The following ADAM17 variants were observed in gnomAD, a reference collection of about 807,000 sequenced individuals.
ADAM17 encodes the protein disintegrin and metalloproteinase domain-containing protein 17.
In ADAM17, 39 loss-of-function variants were observed where a neutral mutation model predicts 96.7. The observed-to-expected ratio is 0.40, with a 90% CI of 0.31 to 0.53. The LOEUF is 0.53. ADAM17 is among the 20% of genes least tolerant of loss of function. The pLI is 0.44. For missense variants in ADAM17, 777 were observed against 1,013.2 expected (o/e 0.77, Z 3.17); for synonymous variants, 344 against 359.2 (o/e 0.96, Z 0.48).
Position 9,523,297 on chromosome 2 carries a change from A to C in ADAM17, c.795T>G (p.Thr265=). 6.2e-7 allele frequency: 1 copy of C among 1,613,192 alleles called. No homozygotes were observed. Among genetic ancestry groups the C allele is most frequent in the Non-Finnish European group, 8.5e-7 (1 of 1,179,554 alleles). ...IDRVDDIYRN[T]SWDNAGFKGY... is the part of the protein sequence containing the mutation. The stretch of plus-strand genomic sequence containing the variant: ...CTTTAAAACCTGCATTATCCCATGA[A>C]GTGTTCCGATAGATGTCATCAACTC... Residue 265 remains threonine, a synonymous_variant, in exon 7 of 19, where the codon ACT becomes ACG. Transcript: ENST00000310823.
intron 11 of ADAM17, among the ~76,000 whole-genome samples, chr2:9,508,618 T>C (rs1029084660): frequency 1.6e-4 from 25 of 152,306 alleles, no homozygotes; most frequent in African/African-American, 6.0e-4. Flanking sequence ...GCAAACATTA[T>C]TAAAAATTTA....
chr2:9,516,461 A>G (rs1278068604), intron 10 of ADAM17, among the ~76,000 whole-genome samples: 1 of 152,148 alleles, frequency 6.6e-6, no homozygotes, highest in Non-Finnish European at 1.5e-5. Context: ...ACCCTACACC[A>G]AGTATAACAT....
rs1408035085 is a variant in ADAM17 at position 9,521,290 on chromosome 2, C to T, written c.870G>A (p.Glu290=). 1.9e-6 allele frequency: 3 copies of T among 1,610,042 alleles called. No homozygotes were observed. In the Admixed American group the frequency reaches 5.0e-5, roughly 27 times the overall value. Residue 290 remains glutamate (E), a synonymous_variant, in exon 8 of 19, where the codon GAG becomes GAA. Transcript: ENST00000310823. ...EQIRILKSPQ[E]VKPGEKHYNM... is the part of the protein sequence containing the mutation. The stretch of plus-strand genomic sequence containing the variant: ...TGTAGTGCTTTTCACCAGGTTTTAC[C>T]TCTTGTGGAGACTTGAGAATGCGAA...
chr2:9,509,567 CTA>C (rs1411219271), intron 11 of ADAM17, among the ~76,000 whole-genome samples: 1 of 152,170 alleles, frequency 6.6e-6, no homozygotes, highest in African/African-American at 2.4e-5. Context: ...GTCAGGCAAA[CTA>C]TGTGTTTAAC....
In ADAM17 at chr2:9,489,297, ACT is replaced by A. The variant is rs1236841972; in HGVS notation, c.*878_*879del. The A allele has an allele frequency of 8.8e-6, 1 of 113,068 alleles. No individual in the cohort carries two copies. The highest frequency in any genetic ancestry group is 4.9e-5 in the African/African-American group (1 of 20,382). 7.0% of individuals were successfully genotyped at this position (113,068 alleles called of 1,614,324 possible). A position where few individuals can be genotyped will look rare whatever the true frequency, so the allele number is the denominator to read the frequency against. ...TTTTTTTTTTTTGAGGCAGAGTCTC[ACT>A]CTGTCACCCAGGCTGGAGTGTAGTG... is the stretch of plus-strand genomic sequence containing the variant. On this transcript the variant is annotated 3_prime_UTR_variant, in exon 19 of 19. Transcript: ENST00000310823.
chr2:9,517,201 T>A (rs2125017040), intron 10 of ADAM17, among the ~76,000 whole-genome samples: 1 of 152,230 alleles, frequency 6.6e-6, no homozygotes. Flanking sequence ...AACCCCTTAT[T>A]TAAACCACTG....
rs1449577670 is a variant in ADAM17 at position 9,532,962 on chromosome 2, G to A, written c.450+2872C>T. ...TCTCAGCACTTTGGGAGGCCAAGAT[G>A]GGCAGATCACGAGGTCAGGAGTTCA... On this transcript the variant is annotated intron_variant, in intron 4 of 18. Transcript: ENST00000310823. Among the ~76,000 whole-genome samples the A allele has an allele frequency of 2.0e-5, 3 of 151,344 alleles. No homozygotes were observed. The East Asian group carries it at 5.8e-4, about 29-fold the overall frequency.
rs746257518 is a variant in ADAM17, at chr2:9,518,259, C to CCA, written c.958-13_958-12insTG. ...TCAAAGCTAAATTGCTTTGAAAGAC[C>CCA]AAAAAAAAAAAAAAAAAAAAAAGCA... On this transcript the variant is annotated splice_polypyrimidine_tract_variant and intron_variant, in intron 8 of 18. Coordinates refer to ENST00000310823, the MANE Select transcript of ADAM17 (RefSeq NM_003183.6). 2.1e-5 allele frequency: 17 copies of CCA among 817,324 alleles called. No individual in the cohort carries two copies. The highest frequency in any genetic ancestry group is 5.4e-4 in the Middle Eastern group (1 of 1,842). The allele number at this position is 817,324 out of a possible 1,614,324, so 50.6% of individuals were successfully genotyped here. A position where few individuals can be genotyped will look rare whatever the true frequency, so the allele number is the denominator to read the frequency against.
Position 9,518,206 on chromosome 2 carries a change from G to A in ADAM17, c.999C>T (p.Cys333=), listed in dbSNP as rs1458334016. ...CTTGGTATGTGAAAAGGTGTGCCAA[G>A]CAAACTTTAGATGCTTCCTCAGCTA... ...FDIAEEASKV[C]LAHLFTYQDF... The change falls in exon 9 of 19, where the codon TGC becomes TGT. Residue 333 remains cysteine (C), a synonymous_variant. Transcript: ENST00000310823. The A allele has an allele frequency of 2.1e-6, 3 of 1,454,902 alleles. No homozygotes were observed. The highest frequency in any genetic ancestry group is 3.2e-5 in the African/African-American group (2 of 62,406). 90.1% of individuals were successfully genotyped at this position (1,454,902 alleles called of 1,614,324 possible).
In ADAM17 at chr2:9,526,163, C is replaced by T. The variant is rs1398583399; in HGVS notation, c.701G>A (p.Arg234His). The T allele has an allele frequency of 3.1e-6, 5 of 1,613,404 alleles. No individual in the cohort carries two copies. Among genetic ancestry groups the T allele is most frequent in the Admixed American group, 1.7e-5 (1 of 59,970 alleles). Residue 234 changes from arginine (R) to histidine (H), a missense_variant, in exon 6 of 19, where the codon CGC becomes CAC. This residue lies in a region of ADAM17 where 446 missense variants were observed against 664.7 expected (regional missense o/e 0.67). Coordinates refer to ENST00000310823, the MANE Select transcript of ADAM17 (RefSeq NM_003183.6). ...TCKLLVVADH[R>H]FYRYMGRGEE... The stretch of plus-strand genomic sequence containing the variant: ...CCCTCTGCCCATGTATCTGTAGAAG[C>T]GATGATCTGCTACCACCAATAATTT...
chr2:9,532,701 T>C (rs1664798639), intron 4 of ADAM17, among the ~76,000 whole-genome samples: 1 of 146,196 alleles, frequency 6.8e-6, no homozygotes, highest in African/African-American at 2.6e-5. Context: ...TTGCCTGGGC[T>C]GGTCTCAAAT....
In ADAM17 at chr2:9,488,499, GTATT is replaced by G. The variant is rs573141533; in HGVS notation, c.*1674_*1677del. On this transcript the variant is annotated 3_prime_UTR_variant, in exon 19 of 19. Coordinates refer to ENST00000310823, the MANE Select transcript of ADAM17 (RefSeq NM_003183.6). ...TACTTAGGTCCATTGTGTTTCGACA[GTATT>G]TATTAATGCAGATATCAGTGCTACA... 643 of 496,470 alleles carry G rather than the reference GTATT, an allele frequency of 1.3e-3. 3 individuals carry two copies. The highest frequency in any genetic ancestry group is 0.011 in the African/African-American group (581 of 51,040). The allele number at this position is 496,470 out of a possible 1,614,324, so 30.8% of individuals were successfully genotyped here. A position where few individuals can be genotyped will look rare whatever the true frequency, so the allele number is the denominator to read the frequency against.
chr2:9,489,259 A>ATTTTTTTTTTTTTTTTTTTTTTTTTTT lies in ADAM17; in HGVS notation c.*917_*918insAAAAAAAAAAAAAAAAAAAAAAAAAAA, dbSNP rs34525911. The ATTTTTTTTTTTTTTTTTTTTTTTTTTT allele has an allele frequency of 4.6e-5, 4 of 87,398 alleles. No homozygotes were observed. The highest frequency in any genetic ancestry group is 2.6e-4 in the African/African-American group (4 of 15,528). 5.4% of individuals were successfully genotyped at this position (87,398 alleles called of 1,614,324 possible). A position where few individuals can be genotyped will look rare whatever the true frequency, so the allele number is the denominator to read the frequency against. Reference sequence around the variant, plus strand: ...AATATTCTAGGTTTGTAGATAGTGAATTTTTTTTTTTTTTTTTTTTTTTTG... The same window carrying ATTTTTTTTTTTTTTTTTTTTTTTTTTT: ...AATATTCTAGGTTTGTAGATAGTGAATTTTTTTTTTTTTTTTTTTTTTTTTTTTTTTTTTTTTTTTTTTTTTTTTTTG... On this transcript the variant is annotated 3_prime_UTR_variant, in exon 19 of 19. Coordinates refer to ENST00000310823, the MANE Select transcript of ADAM17 (RefSeq NM_003183.6).
intron 6 of ADAM17, 37 bp downstream of exon 6, chr2:9,526,071 ATTT>A: frequency 6.5e-7 from 1 of 1,531,724 alleles, no homozygotes; most frequent in Non-Finnish European, 8.8e-7. Context: ...ACCCACCCAA[ATTT>A]TTTTTTCAAT....
At chr2:9,508,458 T>C (rs1380475725) in intron 11 of ADAM17, among the ~76,000 whole-genome samples, 2 of 152,192 alleles carry the variant, frequency 1.3e-5, no homozygotes, top group Non-Finnish European at 1.5e-5. Context: ...ACAAAATTGA[T>C]CCATTTCAAG....
chr2:9,544,566 G>A (rs1390220141), intron 1 of ADAM17, among the ~76,000 whole-genome samples: 3 of 149,346 alleles, frequency 2.0e-5, no homozygotes, highest in African/African-American at 5.0e-5. Context: ...GGTGGCTCAC[G>A]CCTGTAATCC....
Position 9,521,288 on chromosome 2 carries a change from A to G in ADAM17, c.872T>C (p.Val291Ala). The change falls in exon 8 of 19, where the codon GTA becomes GCA. Residue 291 changes from valine to alanine, a missense_variant. Physicochemically the swap from Val to Ala is moderately conservative, Grantham distance 64 (BLOSUM62 0). Transcript: ENST00000310823. ...QIRILKSPQE[V>A]KPGEKHYNMA... ...GTTGTAGTGCTTTTCACCAGGTTTT[A>G]CCTCTTGTGGAGACTTGAGAATGCG... is the stretch of plus-strand genomic sequence containing the variant. 1 of 1,610,760 alleles carries G rather than the reference A, an allele frequency of 6.2e-7. No individual in the cohort carries two copies. Among genetic ancestry groups the G allele is most frequent in the Non-Finnish European group, 8.5e-7 (1 of 1,177,130 alleles).
chr2:9,520,115 A>G (rs1193314520), intron 8 of ADAM17, among the ~76,000 whole-genome samples: 1 of 152,226 alleles, frequency 6.6e-6, no homozygotes, highest in Admixed American at 6.5e-5. Context: ...ATGAGACCCT[A>G]AACAAGAATC....
intron 15 of ADAM17, among the ~76,000 whole-genome samples, chr2:9,494,387 T>A (rs1017136047): frequency 3.9e-5 from 6 of 152,128 alleles, no homozygotes; most frequent in African/African-American, 1.4e-4. Context: ...CAACCAACTT[T>A]ACCATAAAGT....
Sources: gnomAD v4.1 joint callset for allele counts (sites outside exome capture counted in the v4.1 genomes callset) on GRCh38, gnomAD v4.1.1 for gene constraint, gnomAD v4.1.1 regional missense constraint, MANE v1.5 for transcripts, NCBI Gene and HGNC (gene_info 2026-07-23, HGNC 2026-07-21) for gene names.